Variants in PGLYRP3 observed in about 807,000 individuals in gnomAD.
PGLYRP3 encodes peptidoglycan recognition protein I alpha.
Under a neutral mutation model 36.0 loss-of-function variants are expected in PGLYRP3, and 39 were observed. The ratio of observed to expected loss-of-function variants is 1.08; its 90% CI spans 0.84 to 1.41. PGLYRP3 has a LOEUF of 1.41. PGLYRP3 is among the 40% of genes most tolerant of loss of function. The pLI is 0.00. For missense variants in PGLYRP3, 407 were observed against 427.9 expected, an observed-to-expected ratio of 0.95 and a Z score of 0.43; for synonymous variants, 204 against 172.8, an observed-to-expected ratio of 1.18 and a Z score of -1.42.
Position 153,303,895 on chromosome 1 carries a change from G to A in PGLYRP3, c.491C>T (p.Thr164Ile), listed in dbSNP as rs1216280341. ...CACTGGATGTTGAGGGTCCAGGCAGGTCTCTTCTTTCAGAAGAAGTGGCTG... is the reference window on the plus strand; with the variant it reads ...CACTGGATGTTGAGGGTCCAGGCAGATCTCTTCTTTCAGAAGAAGTGGCTG... ...YIQPLLLKEE[T>I]CLDPQHPVMP... The change falls in exon 5 of 8, where the codon ACC becomes ATC. Residue 164 changes from threonine to isoleucine, a missense_variant. Transcript: ENST00000683862. The A allele has an allele frequency of 7.4e-6, 12 of 1,613,766 alleles. No individual in the cohort carries two copies. The highest frequency in any genetic ancestry group is 1.7e-5 in the Admixed American group (1 of 60,004).
Position 153,307,414 on chromosome 1 carries a change from C to G in PGLYRP3, c.56-147G>C, listed in dbSNP as rs114262010. ...GGGGGAGCCCTTCACCACCAAAGCCCCCTCCTTCTCTCCACTGTGGCTGAA... is the reference window on the plus strand; with the variant it reads ...GGGGGAGCCCTTCACCACCAAAGCCGCCTCCTTCTCTCCACTGTGGCTGAA... On this transcript the variant is annotated intron_variant, in intron 2 of 7. Transcript: ENST00000683862. 2,459 of 714,208 alleles carry G rather than the reference C, an allele frequency of 3.4e-3. 52 individuals are homozygous for G. The African/African-American group carries it at 0.039, about 11-fold the overall frequency. The allele number at this position is 714,208 out of a possible 1,614,324, so 44.2% of individuals were successfully genotyped here.
At chr1:153,299,336 A>G (rs1220554129) in intron 6 of PGLYRP3, 105 bp from the exon 7 acceptor site, 14 of 855,810 alleles carry the variant, frequency 1.6e-5, no homozygotes, top group East Asian at 7.9e-5. Flanking sequence ...CATTCATCCA[A>G]TATTGACTGG....
In PGLYRP3 at chr1:153,297,550, G is replaced by GGAAGGAAGGAAA. The variant is rs1274321865; in HGVS notation, c.*405_*406insTTTCCTTCCTTC. Among the ~76,000 whole-genome samples the GGAAGGAAGGAAA allele has an allele frequency of 1.1e-5, 1 of 91,088 alleles. No homozygotes were observed. The highest frequency in any genetic ancestry group is 4.3e-5 in the African/African-American group (1 of 23,062). The allele number at this position is 91,088 out of a possible 152,430, so 59.8% of individuals were successfully genotyped here. On this transcript the variant is annotated 3_prime_UTR_variant, in exon 8 of 8. Transcript: ENST00000683862. Reference sequence around the variant, plus strand: ...AGGAAGGAAGGAAGGAAGGAAGGAAGGAAAGAAAGAAAAAGAAAGAAAGAA... The same window carrying GGAAGGAAGGAAA: ...AGGAAGGAAGGAAGGAAGGAAGGAAGGAAGGAAGGAAAGAAAGAAAGAAAAAGAAAGAAAGAA...
At chr1:153,307,318 C>G (rs753310367) in intron 2 of PGLYRP3, 51 bp from the exon 3 acceptor site, 1 of 1,523,858 alleles carries the variant, frequency 6.6e-7, no homozygotes, top group East Asian at 2.5e-5. Flanking sequence ...CCATCTTCCC[C>G]CAACAGGTCG....
At chr1:153,298,985 A>C (rs1659517225) in intron 7 of PGLYRP3, 128 bp downstream of exon 7, 1 of 749,814 alleles carries the variant, frequency 1.3e-6, no homozygotes, top group African/African-American at 1.7e-5. Context: ...TTAAGAGTCC[A>C]CTTTAAAGCT....
At chr1:153,299,354 T>A (rs1215119173) in intron 6 of PGLYRP3, 123 bp from the exon 7 acceptor site, 10 of 752,444 alleles carry the variant, frequency 1.3e-5, no homozygotes, top group Admixed American at 4.5e-5. Flanking sequence ...TGGAGATCTC[T>A]TATGTGCCAA....
At chr1:153,299,467 G>A (rs1486767946) in intron 6 of PGLYRP3, among the ~76,000 whole-genome samples, 1 of 152,186 alleles carries the variant, frequency 6.6e-6, no homozygotes, top group Non-Finnish European at 1.5e-5. Context: ...CCTCCAAGGT[G>A]AGCAGTGGCT....
intron 6 of PGLYRP3, 50 bp from the exon 7 acceptor site, chr1:153,299,281 T>A: frequency 7.5e-7 from 1 of 1,339,108 alleles, no homozygotes; most frequent in Non-Finnish European, 1.1e-6. Context: ...AAACAGAATT[T>A]AAATACTTCA....
chr1:153,311,485 G>A (rs1279232781), intron 1 of PGLYRP3, among the ~76,000 whole-genome samples: 1 of 152,160 alleles, frequency 6.6e-6, no homozygotes, highest in Non-Finnish European at 1.5e-5. Flanking sequence ...GCCTCTGCCT[G>A]AAACTTCACA....
intron 2 of PGLYRP3, among the ~76,000 whole-genome samples, chr1:153,309,820 A>C (rs1202183338): frequency 1.3e-5 from 2 of 152,234 alleles, no homozygotes; most frequent in African/African-American, 4.8e-5. Flanking sequence ...GGCAGGGATG[A>C]GGACCACACA....
Position 153,297,863 on chromosome 1 carries a change from G to C in PGLYRP3, c.*93C>G. 7.2e-7 allele frequency: 1 copy of C among 1,382,012 alleles called. No homozygotes were observed. Among genetic ancestry groups the C allele is most frequent in the Non-Finnish European group, 1.0e-6 (1 of 998,080 alleles). The allele number at this position is 1,382,012 out of a possible 1,614,324, so 85.6% of individuals were successfully genotyped here. ...TGAGAAAGGATGGGCTGGCAGGGGA[G>C]GGGGACACAAGGTGCTGAGCCACCT... On this transcript the variant is annotated 3_prime_UTR_variant, in exon 8 of 8. Coordinates refer to ENST00000683862, the MANE Select transcript of PGLYRP3 (RefSeq NM_052891.3).
chr1:153,299,055 G>T, intron 7 of PGLYRP3, 58 bp downstream of exon 7: 1 of 1,415,624 alleles, frequency 7.1e-7, no homozygotes, highest in Non-Finnish European at 1.0e-6. Context: ...ATGCTTCCCA[G>T]ACATGCTGCA....
chr1:153,307,810 G>A lies in PGLYRP3; in HGVS notation c.56-543C>T, dbSNP rs537470660. The stretch of plus-strand genomic sequence containing the variant: ...CACGGGGTCTGCACCTCTTTCTTCC[G>A]GGCGAACACTCCCTAGCGGCAGGGC... On this transcript the variant is annotated intron_variant, in intron 2 of 7. Coordinates refer to ENST00000683862, the MANE Select transcript of PGLYRP3 (RefSeq NM_052891.3). Among the ~76,000 whole-genome samples, 130 of 152,200 alleles carry A rather than the reference G, an allele frequency of 8.5e-4. 1 individual carries two copies. Among genetic ancestry groups the A allele is most frequent in the African/African-American group, 2.0e-3 (82 of 41,544 alleles).
At chr1:153,306,172 A>T (rs1339934525) in intron 3 of PGLYRP3, among the ~76,000 whole-genome samples, 1 of 152,234 alleles carries the variant, frequency 6.6e-6, no homozygotes, top group Non-Finnish European at 1.5e-5. Flanking sequence ...CAGGGCCTGC[A>T]GCTGCTCTTA....
At position 153,297,581 on chromosome 1, in the gene PGLYRP3, G is replaced by GAAAGAAAGAAAGAAAGAAAGA. The variant is rs918244220; in HGVS notation, c.*374_*375insTCTTTCTTTCTTTCTTTCTTT. 4.5e-4 allele frequency among the ~76,000 whole-genome samples: 22 copies of GAAAGAAAGAAAGAAAGAAAGA among 48,458 alleles called. No homozygotes were observed. The highest frequency in any genetic ancestry group is 1.5e-3 in the African/African-American group (22 of 14,558). 31.8% of individuals were successfully genotyped at this position (48,458 alleles called of 152,430 possible). A position where few individuals can be genotyped will look rare whatever the true frequency, so the allele number is the denominator to read the frequency against. ...AAAGAAAAAGAAAGAAAGAAAGAAA[G>GAAAGAAAGAAAGAAAGAAAGA]AAGAAAGAAAGAAAGAAAGAAAGAG... On this transcript the variant is annotated 3_prime_UTR_variant, in exon 8 of 8. Transcript: ENST00000683862.
At chr1:153,299,259 A>G (rs1279756498) in intron 6 of PGLYRP3, 28 bp from the exon 7 acceptor site, 11 of 1,540,234 alleles carry the variant, frequency 7.1e-6, no homozygotes, top group South Asian at 1.1e-5. Flanking sequence ...AAATGAAGAC[A>G]GTCACTCTGG....
In PGLYRP3 at chr1:153,299,104, AC is replaced by A. The variant is rs1329348412; in HGVS notation, c.847+8del. The stretch of plus-strand genomic sequence containing the variant: ...CCCAGCACCCCTCTACCCCATGCTC[AC>A]CCCTTACCTACAAAGTAGCCGATGA... On this transcript the variant is annotated splice_region_variant and intron_variant, in intron 7 of 7. Coordinates refer to ENST00000683862, the MANE Select transcript of PGLYRP3 (RefSeq NM_052891.3). 24 of 1,610,706 alleles carry A rather than the reference AC, an allele frequency of 1.5e-5. No homozygotes were observed. Among genetic ancestry groups the A allele is most frequent in the Non-Finnish European group, 2.0e-5 (24 of 1,177,222 alleles).
chr1:153,302,720 C>A, intron 5 of PGLYRP3, 113 bp from the exon 6 acceptor site: 1 of 935,384 alleles, frequency 1.1e-6, no homozygotes, highest in Admixed American at 2.1e-5. Context: ...CCAGCACCCA[C>A]GGGCACATCC....
intron 2 of PGLYRP3, among the ~76,000 whole-genome samples, chr1:153,309,584 C>T (rs1198097150): frequency 6.6e-6 from 1 of 152,194 alleles, no homozygotes; most frequent in Non-Finnish European, 1.5e-5. Flanking sequence ...AGAGCAAATA[C>T]ATGACCAGGA....
Sources: allele counts gnomAD v4.1 joint callset (sites outside exome capture counted in the v4.1 genomes callset), GRCh38; gene constraint gnomAD v4.1.1; transcripts MANE v1.5; gene names NCBI Gene and HGNC (gene_info 2026-07-23, HGNC 2026-07-21).